Variants in DLL1 observed in about 807,000 individuals in gnomAD.
DLL1 encodes delta-like protein 1.
A neutral mutation model predicts 75.1 loss-of-function variants in DLL1; 9 were observed. The ratio of observed to expected loss-of-function variants is 0.12; its 90% CI spans 0.07 to 0.21. DLL1 has a LOEUF of 0.21. Among genes scored for constraint, DLL1 ranks in the 10% least tolerant of loss-of-function variants. The probability of loss-of-function intolerance (pLI) is 1.00; values close to 1 mark genes in which losing one functional copy is unlikely to be tolerated. For missense variants in DLL1, 837 were observed against 1,007.6 expected (o/e 0.83, Z 2.29); for synonymous variants, 477 against 418.3 (o/e 1.14, Z -1.71).
chr6:170,283,788 G>C lies in DLL1; in HGVS notation c.1491C>G (p.His497Gln), dbSNP rs777888615. ...HAPCHNGATCHERGHRYVCEC... is the reference protein window; with the variant it reads ...HAPCHNGATCQERGHRYVCEC... ...CGCACACATAGCGGTGGCCCCTCTC[G>C]TGGCAGGTGGCCCCATTGTGGCAGG... Residue 497 changes from histidine (H) to glutamine (Q), a missense_variant, in exon 9 of 11, where the codon CAC becomes CAG. Around this residue, in one of 2 missense-constraint regions of DLL1, gnomAD observed 533 missense variants for 545.7 expected, o/e 0.98. Transcript: ENST00000366756. 2 of 1,595,338 alleles carry C rather than the reference G, an allele frequency of 1.3e-6. No homozygotes were observed. Among genetic ancestry groups the C allele is most frequent in the Non-Finnish European group, 1.7e-6 (2 of 1,173,342 alleles).
In DLL1 at chr6:170,285,636, A is replaced by G. The variant is rs1783681469; in HGVS notation, c.795T>C (p.His265=). Residue 265 remains histidine (H), a synonymous_variant, in exon 6 of 11, where the codon CAT becomes CAC. Transcript: ENST00000366756. ...ACTGCCAGGGCTGCTGGCAGGTGCC[A>G]TGGAGACAGCCTGGATAGCGGATAC... ...DECIRYPGCL[H]GTCQQPWQCN... The G allele has an allele frequency of 6.2e-7, 1 of 1,614,018 alleles. No individual in the cohort carries two copies.
At chr6:170,288,542 T>G (rs1562497891) in intron 3 of DLL1, 46 bp from the exon 4 acceptor site, 2 of 1,614,050 alleles carry the variant, frequency 1.2e-6, no homozygotes, top group Admixed American at 3.3e-5. Context: ...GAGAACCCTG[T>G]GACTCGGGAC....
chr6:170,287,295 G>T (rs1418645743), intron 4 of DLL1, among the ~76,000 whole-genome samples: 1 of 152,106 alleles, frequency 6.6e-6, no homozygotes, highest in East Asian at 1.9e-4. Context: ...AGAGGTTCTG[G>T]GCCTCCCAGA....
At chr6:170,289,208 C>A (rs1383120096) in intron 2 of DLL1, 2 of 649,924 alleles carry the variant, frequency 3.1e-6, no homozygotes, top group East Asian at 6.0e-5. Flanking sequence ...AACCTTCCCA[C>A]GTGAAGGGGC....
In DLL1 at chr6:170,291,002, C is replaced by T. The variant is rs1176278647; in HGVS notation, c.-863G>A. 1 of 701,828 alleles carries T rather than the reference C, an allele frequency of 1.4e-6. No homozygotes were observed. The highest frequency in any genetic ancestry group is 2.6e-6 in the Non-Finnish European group (1 of 384,620). 43.5% of individuals were successfully genotyped at this position (701,828 alleles called of 1,614,324 possible). On this transcript the variant is annotated 5_prime_UTR_variant, in exon 1 of 11. Transcript: ENST00000366756. ...GGCTAATGAGATGCAAATCAGCAGC[C>T]CCCCAATCTGGCGAGAGCTGTCACA...
chr6:170,288,216 G>T (rs1783749467), intron 4 of DLL1, 23 bp downstream of exon 4: 1 of 1,613,654 alleles, frequency 6.2e-7, no homozygotes, highest in African/African-American at 1.3e-5. Context: ...GAGTGAGCCA[G>T]CGGTGCCTTC....
At chr6:170,284,085 A>G in intron 8 of DLL1, 56 bp from the exon 9 acceptor site, 1 of 1,533,230 alleles carries the variant, frequency 6.5e-7, no homozygotes, top group South Asian at 1.2e-5. Context: ...TTCACCAAAA[A>G]GTCACTCTGA....
At chr6:170,287,605 T>C (rs1314660591) in intron 4 of DLL1, among the ~76,000 whole-genome samples, 4 of 152,308 alleles carry the variant, frequency 2.6e-5, no homozygotes, top group Middle Eastern at 3.4e-3. Flanking sequence ...TGGGAAGACA[T>C]TGCTTCTCCA....
chr6:170,290,079 C>T lies in DLL1; in HGVS notation c.54+7G>A, dbSNP rs776684964. ...CGGGGCCGCGGCGCCCCCACCTGCC[C>T]GCCTACCTGACACAGCAAGGCCGAG... On this transcript the variant is annotated splice_region_variant and intron_variant, in intron 1 of 10. Transcript: ENST00000366756. This position sits in a 1 kb window ranked among gnomAD's most constrained non-coding sequence, Gnocchi z 4.7. The T allele has an allele frequency of 3.6e-5, 57 of 1,579,334 alleles. No homozygotes were observed. Among genetic ancestry groups the T allele is most frequent in the Non-Finnish European group, 4.7e-5 (55 of 1,171,684 alleles).
chr6:170,291,072 G>A lies in DLL1; in HGVS notation c.-933C>T. On this transcript the variant is annotated 5_prime_UTR_variant, in exon 1 of 11. Transcript: ENST00000366756. ...CCCTCCTCTCAATGGATCGCCAAAT[G>A]GTCAGTGAGCTGTAAAATGTGCAAC... 1.4e-6 allele frequency: 1 copy of A among 701,584 alleles called. No homozygotes were observed. 43.5% of individuals were successfully genotyped at this position (701,584 alleles called of 1,614,324 possible).
intron 4 of DLL1, among the ~76,000 whole-genome samples, chr6:170,287,867 TG>T (rs1458640102): frequency 2.0e-5 from 3 of 152,146 alleles, no homozygotes; most frequent in African/African-American, 7.2e-5. Flanking sequence ...GTTGAAATGG[TG>T]CCCCTGACAC....
intron 2 of DLL1, 163 bp downstream of exon 2, chr6:170,289,349 T>A: frequency 8.4e-7 from 1 of 1,186,254 alleles, no homozygotes; most frequent in South Asian, 1.4e-5. Flanking sequence ...TCCGCGCTGC[T>A]GGGCTGGAGT....
intron 8 of DLL1, 140 bp from the exon 9 acceptor site, chr6:170,284,169 C>T (rs1783643514): frequency 8.9e-7 from 1 of 1,124,398 alleles, no homozygotes; most frequent in Non-Finnish European, 1.3e-6. Context: ...GTCCACAGCG[C>T]AAGGTGACAT....
chr6:170,284,360 G>A (rs945201573), intron 8 of DLL1, among the ~76,000 whole-genome samples: 2 of 152,096 alleles, frequency 1.3e-5, no homozygotes, highest in Non-Finnish European at 2.9e-5. Flanking sequence ...GAGGCTTAAC[G>A]AGGGTGTCCT....
intron 4 of DLL1, among the ~76,000 whole-genome samples, chr6:170,286,836 C>T (rs1783708640): frequency 6.6e-6 from 1 of 152,220 alleles, no homozygotes; most frequent in Non-Finnish European, 1.5e-5. Flanking sequence ...CGCACACGCA[C>T]CCCTTCCGCC....
rs1176710017 is a variant in DLL1 at position 170,283,386 on chromosome 6, G to A, written c.1893C>T (p.Gly631=). Residue 631 remains glycine (G), a synonymous_variant, in exon 9 of 11, where the codon GGC becomes GGT. Transcript: ENST00000366756. The stretch of plus-strand genomic sequence containing the variant: ...CCACCGCTGGGTAGCGGGCCTTGAA[G>A]CCATTCTTGTCGGCGCTGTGGTCCC... ...FHGDHSADKN[G]FKARYPAVDY... is the part of the protein sequence containing the mutation. 6.2e-7 allele frequency: 1 copy of A among 1,611,660 alleles called. No homozygotes were observed. The highest frequency in any genetic ancestry group is 8.5e-7 in the Non-Finnish European group (1 of 1,180,024).
intron 4 of DLL1, 156 bp downstream of exon 4, chr6:170,288,083 G>A (rs2114963658): frequency 8.8e-7 from 1 of 1,139,432 alleles, no homozygotes; most frequent in Non-Finnish European, 1.3e-6. Context: ...CTGACGAGCT[G>A]TGACTTATAG....
At chr6:170,288,166 C>G (rs1447030986) in intron 4 of DLL1, 73 bp downstream of exon 4, 1 of 1,608,336 alleles carries the variant, frequency 6.2e-7, no homozygotes, top group African/African-American at 1.3e-5. Flanking sequence ...CCCCGTGGCT[C>G]AGGAAGCCCC....
chr6:170,290,025 C>T lies in DLL1; in HGVS notation c.54+61G>A. The T allele has an allele frequency of 6.6e-7, 1 of 1,510,892 alleles. No individual in the cohort carries two copies. The highest frequency in any genetic ancestry group is 8.8e-7 in the Non-Finnish European group (1 of 1,137,924). The allele number at this position is 1,510,892 out of a possible 1,614,324, so 93.6% of individuals were successfully genotyped here. A position where few individuals can be genotyped will look rare whatever the true frequency, so the allele number is the denominator to read the frequency against. On this transcript the variant is annotated intron_variant, in intron 1 of 10. Transcript: ENST00000366756. The surrounding 1 kb of genome is among the most constrained non-coding windows in gnomAD (Gnocchi z 4.7). ...TCCGCCCCTCCCCGCGCGCTCCTGC[C>T]CCGCGCCCCGGCTACCCGTGAGACC...
Sources: allele counts gnomAD v4.1 joint callset (sites outside exome capture counted in the v4.1 genomes callset), GRCh38; gene constraint gnomAD v4.1.1; regional missense constraint gnomAD v4.1.1; non-coding constraint Gnocchi (gnomAD v3.1); transcripts MANE v1.5; gene names NCBI Gene and HGNC (gene_info 2026-07-23, HGNC 2026-07-21).